EPB41L4A: variants seen among roughly 807,000 people sequenced by gnomAD.
EPB41L4A encodes erythrocyte membrane protein band 4.1 like 4A.
In EPB41L4A, 100 loss-of-function variants were observed where a neutral mutation model predicts 108.6. That is an observed-to-expected ratio of 0.92 (90% CI 0.78 to 1.09). The LOEUF (loss-of-function observed/expected upper bound fraction) is 1.09, where lower values mean the gene tolerates loss of function less well. Among genes scored for constraint, EPB41L4A ranks in the 50% least tolerant of loss-of-function variants. The pLI is 0.00. For missense variants in EPB41L4A, 1,030 were observed against 842.7 expected, an observed-to-expected ratio of 1.22 and a Z score of -2.75; for synonymous variants, 319 against 289.0, an observed-to-expected ratio of 1.10 and a Z score of -1.05.
chr5:112,415,584 C>G (rs1762665192), intron 1 of EPB41L4A, among the ~76,000 whole-genome samples: 1 of 152,094 alleles, frequency 6.6e-6, no homozygotes, highest in South Asian at 2.1e-4. Flanking sequence ...ACTAGAAAAG[C>G]AGTCTGAGCC....
chr5:112,312,027 T>G (rs1755086048), intron 1 of EPB41L4A, among the ~76,000 whole-genome samples: 1 of 152,146 alleles, frequency 6.6e-6, no homozygotes, highest in Non-Finnish European at 1.5e-5. Context: ...AGGTACAGAT[T>G]TTAAAAATAT....
intron 1 of EPB41L4A, among the ~76,000 whole-genome samples, chr5:112,397,242 T>G (rs1761417737): frequency 6.6e-6 from 1 of 152,210 alleles, no homozygotes; most frequent in African/African-American, 2.4e-5. Context: ...TCCAGCTGAT[T>G]TTTCATAAGA....
Position 112,193,383 on chromosome 5 carries a change from C to A in EPB41L4A, c.1502+1185G>T, listed in dbSNP as rs182848101. Among the ~76,000 whole-genome samples, 91 of 152,254 alleles carry A rather than the reference C, an allele frequency of 6.0e-4. 1 individual carries two copies. The highest frequency in any genetic ancestry group is 2.2e-3 in the African/African-American group (90 of 41,558). On this transcript the variant is annotated intron_variant, in intron 17 of 22. Coordinates refer to ENST00000261486, the MANE Select transcript of EPB41L4A (RefSeq NM_022140.5). ...ATGGCACAGTCTCGGCTCACTGCAA[C>A]CTTCACCTCCCGGGTTCAAGCGATT...
chr5:112,199,234 C>T (rs1370473604), intron 15 of EPB41L4A, among the ~76,000 whole-genome samples: 1 of 152,192 alleles, frequency 6.6e-6, no homozygotes, highest in African/African-American at 2.4e-5. Context: ...GCTTTGAAAG[C>T]TAGTATCCAT....
chr5:112,355,078 T>C (rs1758284361), intron 1 of EPB41L4A, among the ~76,000 whole-genome samples: 1 of 152,228 alleles, frequency 6.6e-6, no homozygotes, highest in Non-Finnish European at 1.5e-5. Flanking sequence ...GGTTGCAGTT[T>C]TGTTGTTTCT....
At chr5:112,280,925 G>A (rs540021199) in intron 2 of EPB41L4A, among the ~76,000 whole-genome samples, 18 of 152,158 alleles carry the variant, frequency 1.2e-4, no homozygotes, top group Admixed American at 2.0e-4. Flanking sequence ...ATCCCTACAG[G>A]TATTGCTGCT....
At chr5:112,183,569 C>A (rs1170993095) in intron 18 of EPB41L4A, among the ~76,000 whole-genome samples, 1 of 152,202 alleles carries the variant, frequency 6.6e-6, no homozygotes, top group Non-Finnish European at 1.5e-5. Flanking sequence ...AATTCCAACA[C>A]TGAGGTGTAA....
intron 9 of EPB41L4A, among the ~76,000 whole-genome samples, chr5:112,243,716 C>T (rs1252201667): frequency 2.0e-5 from 3 of 152,194 alleles, no homozygotes; most frequent in African/African-American, 4.8e-5. Context: ...GAGATGGCTA[C>T]TGTCCTTCAA....
rs143764023 is a variant in EPB41L4A at position 112,330,582 on chromosome 5, A to G, written c.100-23092T>C. 2.0e-3 allele frequency among the ~76,000 whole-genome samples: 312 copies of G among 152,198 alleles called. 2 individuals carry two copies. The highest frequency in any genetic ancestry group is 7.1e-3 in the African/African-American group (296 of 41,524). Reference sequence around the variant, plus strand: ...TTATCAGATTCAATCAGAAGAATCCATACTGCAGATGAGAAAACTGAGGAA... The same window carrying G: ...TTATCAGATTCAATCAGAAGAATCCGTACTGCAGATGAGAAAACTGAGGAA... On this transcript the variant is annotated intron_variant, in intron 1 of 22. Coordinates refer to ENST00000261486, the MANE Select transcript of EPB41L4A (RefSeq NM_022140.5).
chr5:112,320,034 TA>T (rs1167128294), intron 1 of EPB41L4A, among the ~76,000 whole-genome samples: 1 of 152,248 alleles, frequency 6.6e-6, no homozygotes, highest in East Asian at 1.9e-4. Context: ...GAGTTGTTTG[TA>T]TTATGATTAC....
chr5:112,183,320 C>A (rs536520780), intron 18 of EPB41L4A: 1 of 152,336 alleles, frequency 6.6e-6, no homozygotes, highest in South Asian at 2.1e-4. Context: ...AGACATCTAA[C>A]TACCCACGAT....
chr5:112,156,511 T>C (rs1487371538), intron 12 of EPB41L4A, among the ~76,000 whole-genome samples: 4 of 152,200 alleles, frequency 2.6e-5, no homozygotes, highest in Non-Finnish European at 4.4e-5. Flanking sequence ...TTTTGTTCTA[T>C]TGAGGCCCTC....
chr5:112,293,446 T>C (rs1753787530), intron 2 of EPB41L4A, among the ~76,000 whole-genome samples: 1 of 152,178 alleles, frequency 6.6e-6, no homozygotes, highest in Non-Finnish European at 1.5e-5. Context: ...CAAGATAGAA[T>C]TCAGCCCTTC....
At chr5:112,208,305 A>G (rs551184230) in intron 13 of EPB41L4A, among the ~76,000 whole-genome samples, 7 of 151,848 alleles carry the variant, frequency 4.6e-5, no homozygotes, top group African/African-American at 1.7e-4. Flanking sequence ...TATTCACAAT[A>G]GCAAGGACAT....
At position 112,199,558 on chromosome 5, in the gene EPB41L4A, G is replaced by T. The variant is rs1017808247; in HGVS notation, c.1377-3850C>A. On this transcript the variant is annotated intron_variant, in intron 15 of 22. Transcript: ENST00000261486. ...AGTAACATACTTAAGATTATATTTC[G>T]GTCCATAAAGCAAATCAAGCCCCTG... 5.3e-5 allele frequency among the ~76,000 whole-genome samples: 8 copies of T among 151,950 alleles called. No homozygotes were observed. In the East Asian group the frequency reaches 1.6e-3, roughly 29 times the overall value.
At chr5:112,290,948 C>T (rs1001561177) in intron 2 of EPB41L4A, among the ~76,000 whole-genome samples, 1 of 152,162 alleles carries the variant, frequency 6.6e-6, no homozygotes, top group Non-Finnish European at 1.5e-5. Context: ...TGCCCCTTCT[C>T]ATCTGCAATT....
At chr5:112,289,781 C>T (rs1753532479) in intron 2 of EPB41L4A, among the ~76,000 whole-genome samples, 3 of 152,222 alleles carry the variant, frequency 2.0e-5, no homozygotes, top group Admixed American at 2.0e-4. Context: ...CTAAGTAGAA[C>T]AGACATGAGC....
chr5:112,337,653 A>T (rs1757007575), intron 1 of EPB41L4A, among the ~76,000 whole-genome samples: 1 of 152,176 alleles, frequency 6.6e-6, no homozygotes, highest in Non-Finnish European at 1.5e-5. Context: ...ATATACAAGG[A>T]TCCTAATTTC....
At chr5:112,338,347 G>C (rs768988588) in intron 1 of EPB41L4A, among the ~76,000 whole-genome samples, 2 of 152,050 alleles carry the variant, frequency 1.3e-5, no homozygotes, top group Non-Finnish European at 2.9e-5. Flanking sequence ...CTCCCTGTCT[G>C]CTGGTGACCC....
Sources: allele counts gnomAD v4.1 joint callset (sites outside exome capture counted in the v4.1 genomes callset), GRCh38; gene constraint gnomAD v4.1.1; transcripts MANE v1.5; gene names NCBI Gene and HGNC (gene_info 2026-07-23, HGNC 2026-07-21).